PIEZO2: variants seen among roughly 807,000 people sequenced by gnomAD.
PIEZO2 encodes piezo-type mechanosensitive ion channel component 2.
Under a neutral mutation model 337.3 loss-of-function variants are expected in PIEZO2, and 172 were observed. The observed-to-expected ratio is 0.51, with a 90% CI of 0.45 to 0.58. The LOEUF (loss-of-function observed/expected upper bound fraction) is 0.58, where lower values mean the gene tolerates loss of function less well. Ranked by LOEUF, PIEZO2 falls within the 20% of genes least tolerant of loss-of-function variation. The pLI, the probability that PIEZO2 is intolerant of heterozygous loss-of-function variation, is 0.00. For missense variants in PIEZO2, 3,028 were observed against 3,391.3 expected (o/e 0.89, Z 2.66); for synonymous variants, 1,251 against 1,228.5 (o/e 1.02, Z -0.38).
chr18:10,944,089 T>C (rs2032873416), intron 3 of PIEZO2, among the ~76,000 whole-genome samples: 1 of 152,156 alleles, frequency 6.6e-6, no homozygotes, highest in Non-Finnish European at 1.5e-5. Flanking sequence ...ATCAGCAGCA[T>C]GAAGACAGAC....
At chr18:10,744,291 C>T (rs929424040) in intron 30 of PIEZO2, 60 bp from the exon 31 acceptor site, 1 of 1,109,706 alleles carries the variant, frequency 9.0e-7, no homozygotes, top group Non-Finnish European at 1.3e-6. Context: ...TTCCCCTTTT[C>T]CTGAAAATTA....
rs2625348 is a variant in PIEZO2 at position 11,038,016 on chromosome 18, G to A, written c.160+28111C>T. Among the ~76,000 whole-genome samples, 2,091 of 152,282 alleles carry A rather than the reference G, an allele frequency of 0.014. 26 individuals are homozygous for A. Among genetic ancestry groups the A allele is most frequent in the African/African-American group, 0.036 (1,484 of 41,564 alleles). ...TTGCCACACACTTGTATGCATTTAT[G>A]TCCACCTGGACTTCTGAGTTAAACA... On this transcript the variant is annotated intron_variant, in intron 2 of 55. Coordinates refer to ENST00000674853, the MANE Select transcript of PIEZO2 (RefSeq NM_001378183.1). The surrounding 1 kb of genome is among the most constrained non-coding windows in gnomAD (Gnocchi z 4.1).
chr18:10,834,332 G>T lies in PIEZO2; in HGVS notation c.917+21021C>A, dbSNP rs779760890. Among the ~76,000 whole-genome samples the T allele has an allele frequency of 1.2e-4, 19 of 152,170 alleles. No individual in the cohort carries two copies. The highest frequency in any genetic ancestry group is 3.2e-3 in the Middle Eastern group (1 of 314). On this transcript the variant is annotated intron_variant, in intron 7 of 55. Transcript: ENST00000674853. This position sits in a 1 kb window ranked among gnomAD's most constrained non-coding sequence, Gnocchi z 4.5. ...CTACACCTCAATTTTCCTGTCTTTA[G>T]AATGGGCATAATAAAGTAGACCACA... is the stretch of plus-strand genomic sequence containing the variant.
chr18:11,034,881 G>T (rs1012792627), intron 2 of PIEZO2, among the ~76,000 whole-genome samples: 1 of 152,088 alleles, frequency 6.6e-6, no homozygotes, highest in Non-Finnish European at 1.5e-5. Context: ...ACCTCTCCCA[G>T]AATCAAGTAT....
At position 10,742,024 on chromosome 18, in the gene PIEZO2, G is replaced by A. The variant is rs947033502; in HGVS notation, c.4636+470C>T. Reference sequence around the variant, plus strand: ...AAAAAAATTAGCCGGGCGTGGTGGCGGGCACCTGTAGTCCCAGCTACTCGG... The same window carrying A: ...AAAAAAATTAGCCGGGCGTGGTGGCAGGCACCTGTAGTCCCAGCTACTCGG... On this transcript the variant is annotated intron_variant, in intron 32 of 55. Coordinates refer to ENST00000674853, the MANE Select transcript of PIEZO2 (RefSeq NM_001378183.1). Among the ~76,000 whole-genome samples the A allele has an allele frequency of 4.6e-5, 7 of 152,124 alleles. No individual in the cohort carries two copies. The East Asian group carries it at 9.7e-4, about 21-fold the overall frequency.
At chr18:10,763,951 C>T (rs190717112) in intron 21 of PIEZO2, among the ~76,000 whole-genome samples, 7 of 152,224 alleles carry the variant, frequency 4.6e-5, no homozygotes, top group Non-Finnish European at 1.0e-4. Context: ...CCCAGGTTTC[C>T]ACTTGGGAGC....
At chr18:11,060,333 T>C (rs1372669016) in intron 2 of PIEZO2, among the ~76,000 whole-genome samples, 1 of 151,844 alleles carries the variant, frequency 6.6e-6, no homozygotes, top group Non-Finnish European at 1.5e-5. Flanking sequence ...CACCCTAACA[T>C]CACAATTAAA....
At chr18:10,919,358 C>T (rs1042733961) in intron 3 of PIEZO2, among the ~76,000 whole-genome samples, 1 of 152,094 alleles carries the variant, frequency 6.6e-6, no homozygotes, top group African/African-American at 2.4e-5. Flanking sequence ...TAATTTCTAC[C>T]ATTTTAGCTT....
At chr18:10,892,208 T>C (rs1395075279) in intron 4 of PIEZO2, among the ~76,000 whole-genome samples, 1 of 152,194 alleles carries the variant, frequency 6.6e-6, no homozygotes, top group Non-Finnish European at 1.5e-5. Flanking sequence ...TATAATGGAA[T>C]ACCATTAGCA....
intron 7 of PIEZO2, among the ~76,000 whole-genome samples, chr18:10,827,095 A>T (rs1047928405): frequency 2.0e-5 from 3 of 152,212 alleles, no homozygotes; most frequent in African/African-American, 7.2e-5. Flanking sequence ...AAATATATAG[A>T]AAAATGTTTG....
rs573198302 is a variant in PIEZO2 at position 10,895,558 on chromosome 18, G to A, written c.329+15628C>T. Among the ~76,000 whole-genome samples, 50 of 152,288 alleles carry A rather than the reference G, an allele frequency of 3.3e-4. No individual in the cohort carries two copies. In the South Asian group the frequency reaches 9.1e-3, roughly 28 times the overall value. On this transcript the variant is annotated intron_variant, in intron 4 of 55. Coordinates refer to ENST00000674853, the MANE Select transcript of PIEZO2 (RefSeq NM_001378183.1). The surrounding 1 kb of genome is among the most constrained non-coding windows in gnomAD (Gnocchi z 4.8). ...GAACAGAGTGCCGGGGAATGGTGCC[G>A]TTTGTTGGGGTACCTGTGCAGCAGT...
At chr18:10,880,310 A>G (rs1288175171) in intron 4 of PIEZO2, among the ~76,000 whole-genome samples, 2 of 152,216 alleles carry the variant, frequency 1.3e-5, no homozygotes, top group African/African-American at 4.8e-5. Flanking sequence ...AAGAAGCAAG[A>G]CAGGTGGATA....
chr18:10,680,051 G>T, intron 52 of PIEZO2, 148 bp downstream of exon 52: 1 of 554,360 alleles, frequency 1.8e-6, no homozygotes. Context: ...CTTTGGCATT[G>T]AAGGTAAGTT....
chr18:10,867,692 G>C (rs545200548), intron 5 of PIEZO2, among the ~76,000 whole-genome samples: 1 of 152,116 alleles, frequency 6.6e-6, no homozygotes, highest in Non-Finnish European at 1.5e-5. Flanking sequence ...ATAATAGCTA[G>C]AAAGAATTGT....
At chr18:10,822,087 T>G (rs1292579349) in intron 7 of PIEZO2, among the ~76,000 whole-genome samples, 1 of 152,222 alleles carries the variant, frequency 6.6e-6, no homozygotes, top group East Asian at 1.9e-4. Context: ...AAAATAATAA[T>G]TAGTAGAAAA....
rs928202845 is a variant in PIEZO2, at chr18:10,907,437, C to T, written c.329+3749G>A. On this transcript the variant is annotated intron_variant, in intron 4 of 55. Transcript: ENST00000674853. ...CAGTCTGGGCAACAAGAGCAAGACT[C>T]TGTCTCAAAAAAAAAAAAAAGATGT... Among the ~76,000 whole-genome samples, 3 of 136,030 alleles carry T rather than the reference C, an allele frequency of 2.2e-5. No homozygotes were observed. The South Asian group carries it at 7.0e-4, about 32-fold the overall frequency. The allele number at this position is 136,030 out of a possible 152,430, so 89.2% of individuals were successfully genotyped here. A position where few individuals can be genotyped will look rare whatever the true frequency, so the allele number is the denominator to read the frequency against.
chr18:10,893,140 T>C (rs930240567), intron 4 of PIEZO2, among the ~76,000 whole-genome samples: 8 of 152,240 alleles, frequency 5.3e-5, no homozygotes, highest in African/African-American at 1.7e-4. Flanking sequence ...GTTCAAGACC[T>C]ATTACAAAAT....
rs1049817586 is a variant in PIEZO2, at chr18:11,101,840, C to T, written c.65-35618G>A. Among the ~76,000 whole-genome samples, 4 of 152,114 alleles carry T rather than the reference C, an allele frequency of 2.6e-5. No homozygotes were observed. Among genetic ancestry groups the T allele is most frequent in the Non-Finnish European group, 5.9e-5 (4 of 68,030 alleles). On this transcript the variant is annotated intron_variant, in intron 1 of 55. Coordinates refer to ENST00000674853, the MANE Select transcript of PIEZO2 (RefSeq NM_001378183.1). The surrounding 1 kb of genome is among the most constrained non-coding windows in gnomAD (Gnocchi z 4.4). ...ACTCCCATGCTAAATTTTTGGGACACACAAGCTCTTGTACTCTTGTACTAT... is the reference window on the plus strand; with the variant it reads ...ACTCCCATGCTAAATTTTTGGGACATACAAGCTCTTGTACTCTTGTACTAT...
intron 3 of PIEZO2, among the ~76,000 whole-genome samples, chr18:10,928,950 A>C (rs2031921167): frequency 6.6e-6 from 1 of 152,182 alleles, no homozygotes; most frequent in African/African-American, 2.4e-5. Context: ...CTTTTACAAC[A>C]CTTCACCTTC....
Sources: gnomAD v4.1 joint callset for allele counts (sites outside exome capture counted in the v4.1 genomes callset) on GRCh38, gnomAD v4.1.1 for gene constraint, Gnocchi (gnomAD v3.1) non-coding constraint, MANE v1.5 for transcripts, NCBI Gene and HGNC (gene_info 2026-07-23, HGNC 2026-07-21) for gene names.